Variants in MED16 observed in about 807,000 individuals in gnomAD.
MED16 encodes mediator of RNA polymerase II transcription subunit 16.
A neutral mutation model predicts 84.4 loss-of-function variants in MED16; 81 were observed. The observed-to-expected ratio is 0.96, with a 90% CI of 0.80 to 1.15. The LOEUF is 1.15. Among genes scored for constraint, MED16 ranks in the 50% most tolerant of loss-of-function variants. MED16 has a pLI of 0.00. For missense variants in MED16, 1,585 were observed against 1,245.9 expected, an observed-to-expected ratio of 1.27 and a Z score of -4.10; for synonymous variants, 897 against 552.2, an observed-to-expected ratio of 1.62 and a Z score of -8.76.
At chr19:881,442 G>A in intron 7 of MED16, 117 bp downstream of exon 7, 2 of 1,246,864 alleles carry the variant, frequency 1.6e-6, no homozygotes, top group East Asian at 2.5e-5. Context: ...CCCATGGCCT[G>A]TGCTCAGAGC....
intron 8 of MED16, among the ~76,000 whole-genome samples, chr19:879,157 C>T: frequency 6.6e-6 from 1 of 151,150 alleles, no homozygotes; most frequent in Non-Finnish European, 1.5e-5. Flanking sequence ...CCCACGTGCC[C>T]CAGCAGCTCG....
At chr19:892,644 G>C (rs1172825781) in intron 1 of MED16, 1 of 124,208 alleles carries the variant, frequency 8.1e-6, no homozygotes, top group African/African-American at 2.9e-5. Context: ...CCACCCTAGG[G>C]ACCCTATTCC....
At position 868,606 on chromosome 19, in the gene MED16, C is replaced by T. The variant is rs1441275951; in HGVS notation, c.2400-107G>A. The T allele has an allele frequency of 1.8e-5, 26 of 1,438,230 alleles. No individual in the cohort carries two copies. In the Middle Eastern group the frequency reaches 9.1e-4, roughly 50 times the overall value. 89.1% of individuals were successfully genotyped at this position (1,438,230 alleles called of 1,614,324 possible). ...GTCTCCCTCTGCTCGCCGTCCCTCACGCCTGCTCCCCACGTCCCCACCTGC... is the reference window on the plus strand; with the variant it reads ...GTCTCCCTCTGCTCGCCGTCCCTCATGCCTGCTCCCCACGTCCCCACCTGC... On this transcript the variant is annotated intron_variant, in intron 14 of 15. Transcript: ENST00000325464.
intron 10 of MED16, 141 bp from the exon 11 acceptor site, chr19:873,723 G>GGGCGAT (rs1276751026): frequency 5.9e-6 from 6 of 1,012,508 alleles, no homozygotes; most frequent in Middle Eastern, 3.0e-4. Flanking sequence ...AACGAGAAGG[G>GGGCGAT]GGCGATGGCG....
At chr19:886,305 T>C (rs978288814) in intron 4 of MED16, 104 bp from the exon 5 acceptor site, 21 of 1,011,116 alleles carry the variant, frequency 2.1e-5, no homozygotes, top group Non-Finnish European at 2.8e-5. Flanking sequence ...AAGCCAGGAG[T>C]GTGTGCACCT....
Position 875,345 on chromosome 19 carries a change from C to A in MED16, c.1670G>T (p.Ser557Ile), listed in dbSNP as rs757997027. Residue 557 changes from serine to isoleucine, a missense_variant, in exon 10 of 16, where the codon AGC (serine) becomes ATC (isoleucine). Physicochemically the swap from Ser to Ile is moderately radical, Grantham distance 142 (BLOSUM62 -2). Transcript: ENST00000325464. Reference protein sequence around the residue: ...YHTKLFLIAISSTLKSLLRPH... With the variant: ...YHTKLFLIAIISTLKSLLRPH... ...GCGCAGCAGCGACTTCAGGGTGGAG[C>A]TGATGGCGATGAGGAAGAGCTTGGT... 4 of 1,610,356 alleles carry A rather than the reference C, an allele frequency of 2.5e-6. No individual in the cohort carries two copies. Among genetic ancestry groups the A allele is most frequent in the South Asian group, 1.1e-5 (1 of 91,070 alleles).
chr19:872,443 G>A (rs113373803), intron 11 of MED16, among the ~76,000 whole-genome samples: 2 of 152,040 alleles, frequency 1.3e-5, no homozygotes, highest in South Asian at 2.1e-4. Context: ...TGCGGGCCCG[G>A]GCCCCTGGTG....
At position 872,098 on chromosome 19, in the gene MED16, G is replaced by A. The variant is rs778536856; in HGVS notation, c.1926C>T (p.Gly642=). The change falls in exon 12 of 16, where the codon GGC becomes GGT. Residue 642 remains glycine, a synonymous_variant. Coordinates refer to ENST00000325464, the MANE Select transcript of MED16 (RefSeq NM_005481.3). ...LPNQGSLLRP[G]HSFLRDGTSL... ...AGGTGCCGTCCCGCAGAAAGCTGTGGCCCGGCCTCAGCAGGGAACCCTGCC... is the reference window on the plus strand; with the variant it reads ...AGGTGCCGTCCCGCAGAAAGCTGTGACCCGGCCTCAGCAGGGAACCCTGCC... 1.2e-6 allele frequency: 2 copies of A among 1,606,830 alleles called. No homozygotes were observed. The highest frequency in any genetic ancestry group is 3.4e-5 in the Admixed American group (2 of 59,450).
chr19:871,192 C>T lies in MED16; in HGVS notation c.2160G>A (p.Leu720=), dbSNP rs1426498340. The change falls in exon 13 of 16, where the codon CTG becomes CTA. Residue 720 remains leucine (L), a synonymous_variant. Transcript: ENST00000325464. ...DEALVDECCL[L]PSQLLIPSLD... is the part of the protein sequence containing the mutation. ...GGCTGGGGATAAGCAGCTGGCTGGG[C>T]AGCAGGCAGCATTCATCCACCAGCG... is the stretch of plus-strand genomic sequence containing the variant. The T allele has an allele frequency of 2.6e-6, 4 of 1,550,146 alleles. No homozygotes were observed. The highest frequency in any genetic ancestry group is 1.2e-5 in the South Asian group (1 of 84,188).
chr19:881,070 C>A (rs1003246986), intron 7 of MED16, among the ~76,000 whole-genome samples: 3 of 151,730 alleles, frequency 2.0e-5, no homozygotes, highest in Admixed American at 6.6e-5. Flanking sequence ...AATGCTCTTT[C>A]CAGGGAACCA....
intron 12 of MED16, 139 bp from the exon 13 acceptor site, chr19:871,392 G>A (rs921463413): frequency 1.5e-6 from 2 of 1,303,658 alleles, no homozygotes; most frequent in East Asian, 2.5e-5. Context: ...GTGACCCCGG[G>A]GTTCTCTCAC....
At chr19:871,552 G>C (rs1282236298) in intron 12 of MED16, 1 of 1,588,204 alleles carries the variant, frequency 6.3e-7, no homozygotes, top group Non-Finnish European at 8.5e-7. Flanking sequence ...GAATGACACA[G>C]CTCACCCTCC....
At chr19:877,961 GCCC>G (rs2036297804) in intron 8 of MED16, among the ~76,000 whole-genome samples, 1 of 35,080 alleles carries the variant, frequency 2.9e-5, no homozygotes, top group African/African-American at 1.4e-4. Context: ...ACCAGCCCCA[GCCC>G]CAGCCCCAGC....
In MED16 at chr19:890,117, A is replaced by T; in HGVS notation, c.277+20T>A. On this transcript the variant is annotated intron_variant, in intron 3 of 15. Transcript: ENST00000325464. Reference sequence around the variant, plus strand: ...GGGATCCGGGTCGCCACCCCTGGCCACGTGGGACCAGCGCCTCACCTGACT... The same window carrying T: ...GGGATCCGGGTCGCCACCCCTGGCCTCGTGGGACCAGCGCCTCACCTGACT... The T allele has an allele frequency of 6.5e-7, 1 of 1,531,210 alleles. No individual in the cohort carries two copies. Among genetic ancestry groups the T allele is most frequent in the Non-Finnish European group, 8.8e-7 (1 of 1,134,196 alleles). The allele number at this position is 1,531,210 out of a possible 1,614,324, so 94.9% of individuals were successfully genotyped here.
chr19:879,275 G>GCCCAGCAGC, intron 8 of MED16, among the ~76,000 whole-genome samples: 1 of 82,192 alleles, frequency 1.2e-5, no homozygotes. Context: ...GGTTGTCAAT[G>GCCCAGCAGC]CCCAGCAGCT....
In MED16 at chr19:890,171, G is replaced by T; in HGVS notation, c.243C>A (p.His81Gln). The T allele has an allele frequency of 6.4e-7, 1 of 1,552,684 alleles. No homozygotes were observed. The highest frequency in any genetic ancestry group is 8.7e-7 in the Non-Finnish European group (1 of 1,148,018). Residue 81 changes from histidine to glutamine, a missense_variant, in exon 3 of 16, where the codon CAC (histidine) becomes CAA (glutamine). Transcript: ENST00000325464. ...WDLHSIPSEH[H>Q]EAITCLEWDQ... ...CCCACTCCAGGCAGGTGATGGCCTC[G>T]TGGTGCTCTGAGGGGATCGAGTGCA...
At chr19:877,283 T>A in intron 8 of MED16, 103 bp from the exon 9 acceptor site, 1 of 1,096,990 alleles carries the variant, frequency 9.1e-7, no homozygotes, top group South Asian at 1.4e-5. Context: ...TGGATCTGTG[T>A]GCGCGCACGC....
At chr19:892,138 C>T (rs547976298) in intron 1 of MED16, among the ~76,000 whole-genome samples, 1 of 152,074 alleles carries the variant, frequency 6.6e-6, no homozygotes, top group Non-Finnish European at 1.5e-5. Context: ...TCCAGACGGG[C>T]TGTTTCGCTT....
intron 4 of MED16, among the ~76,000 whole-genome samples, chr19:888,830 A>G (rs2036575155): frequency 6.6e-6 from 1 of 152,126 alleles, no homozygotes; most frequent in Non-Finnish European, 1.5e-5. Context: ...GACGAGAGAA[A>G]AGATCTTGTC....
Sources: gnomAD v4.1 joint callset for allele counts (sites outside exome capture counted in the v4.1 genomes callset) on GRCh38, gnomAD v4.1.1 for gene constraint, MANE v1.5 for transcripts, NCBI Gene and HGNC (gene_info 2026-07-23, HGNC 2026-07-21) for gene names.